Variants in UCP1 observed in about 807,000 individuals in gnomAD.
The protein encoded by UCP1 is uncoupling protein 1.
In UCP1, 24 loss-of-function variants were observed where a neutral mutation model predicts 26.2. That is an observed-to-expected ratio of 0.92 (90% CI 0.66 to 1.29). The LOEUF is 1.29. UCP1 is among the 50% of genes most tolerant of loss of function. The probability of loss-of-function intolerance (pLI) is 0.00; values close to 1 mark genes in which losing one functional copy is unlikely to be tolerated. For synonymous variants in UCP1, 164 were observed against 156.8 expected (o/e 1.05, Z -0.34); for missense variants, 402 against 388.7 (o/e 1.03, Z -0.29).
At chr4:140,560,932 A>G (rs947207785) in intron 5 of UCP1, among the ~76,000 whole-genome samples, 2 of 152,060 alleles carry the variant, frequency 1.3e-5, no homozygotes, top group African/African-American at 4.8e-5. Context: ...TTCTGTCTCT[A>G]TGAATTTGAC....
At chr4:140,565,560 C>G (rs982718729) in intron 2 of UCP1, among the ~76,000 whole-genome samples, 1 of 152,080 alleles carries the variant, frequency 6.6e-6, no homozygotes, top group Non-Finnish European at 1.5e-5. Context: ...TCCTTAGCAC[C>G]GCCTGCAAGG....
chr4:140,561,265 A>G (rs1265345056), intron 5 of UCP1, among the ~76,000 whole-genome samples: 1 of 152,206 alleles, frequency 6.6e-6, no homozygotes, highest in African/African-American at 2.4e-5. Context: ...TTACAATTTA[A>G]AAAGGTAATA....
chr4:140,568,954 G>C lies in UCP1; in HGVS notation c.-225C>G. 1.6e-6 allele frequency: 1 copy of C among 643,678 alleles called. No individual in the cohort carries two copies. The highest frequency in any genetic ancestry group is 2.6e-6 in the Non-Finnish European group (1 of 378,732). The allele number at this position is 643,678 out of a possible 1,614,324, so 39.9% of individuals were successfully genotyped here. ...CTCCTACCCACCCTCGCGCCAGCAGGACCCTCTGCGTTCCGGTCTTCCGCT... is the reference window on the plus strand; with the variant it reads ...CTCCTACCCACCCTCGCGCCAGCAGCACCCTCTGCGTTCCGGTCTTCCGCT... On this transcript the variant is annotated 5_prime_UTR_variant, in exon 1 of 6. Transcript: ENST00000262999.
At chr4:140,561,894 C>T (rs1735685098) in intron 5 of UCP1, among the ~76,000 whole-genome samples, 1 of 152,130 alleles carries the variant, frequency 6.6e-6, no homozygotes, top group South Asian at 2.1e-4. Context: ...TACTTTATAA[C>T]TTTCTTGCCC....
intron 5 of UCP1, among the ~76,000 whole-genome samples, chr4:140,561,006 C>T (rs1411683561): frequency 4.6e-5 from 7 of 152,084 alleles, no homozygotes; most frequent in Admixed American, 2.0e-4. Flanking sequence ...TGGCTTATTT[C>T]ACTTAGCATA....
chr4:140,567,084 G>A lies in UCP1; in HGVS notation c.325+695C>T, dbSNP rs560294200. On this transcript the variant is annotated intron_variant, in intron 2 of 5. Transcript: ENST00000262999. ...ATCTGAAGCACTTAGAACAATGTCT[G>A]GTTCATAGTTAAGCCCTCAAATAAA... 1.9e-4 allele frequency among the ~76,000 whole-genome samples: 29 copies of A among 152,266 alleles called. No individual in the cohort carries two copies. The South Asian group carries it at 6.0e-3, about 32-fold the overall frequency.
intron 5 of UCP1, among the ~76,000 whole-genome samples, chr4:140,560,853 A>C (rs1735663078): frequency 6.6e-6 from 1 of 152,120 alleles, no homozygotes; most frequent in Non-Finnish European, 1.5e-5. Context: ...TCACCCCAAA[A>C]AGAAACTCTC....
intron 1 of UCP1, 105 bp downstream of exon 1, chr4:140,568,499 C>G (rs904355248): frequency 5.1e-6 from 8 of 1,559,470 alleles, no homozygotes; most frequent in Middle Eastern, 1.7e-4. Flanking sequence ...GGTCACCTAC[C>G]CTACCTAGAA....
chr4:140,566,397 C>G (rs980330059), intron 2 of UCP1, among the ~76,000 whole-genome samples: 1 of 152,176 alleles, frequency 6.6e-6, no homozygotes, highest in Non-Finnish European at 1.5e-5. Context: ...AACATATATC[C>G]TATTAATTTG....
rs1179128410 is a variant in UCP1 at position 140,559,845 on chromosome 4, T to G, written c.*51A>C. ...GAATAAGTTTTGTTTGTTTTTATGA[T>G]CCAGTCAGCAAGATTCCCACTGGTA... On this transcript the variant is annotated 3_prime_UTR_variant, in exon 6 of 6. Transcript: ENST00000262999. 2 of 1,431,858 alleles carry G rather than the reference T, an allele frequency of 1.4e-6. No individual in the cohort carries two copies. Among genetic ancestry groups the G allele is most frequent in the Non-Finnish European group, 2.0e-6 (2 of 1,015,382 alleles). 88.7% of individuals were successfully genotyped at this position (1,431,858 alleles called of 1,614,324 possible).
rs2110919886 is a variant in UCP1, at chr4:140,568,876, G to A, written c.-147C>T. 1 of 1,302,410 alleles carries A rather than the reference G, an allele frequency of 7.7e-7. No individual in the cohort carries two copies. The highest frequency in any genetic ancestry group is 1.0e-6 in the Non-Finnish European group (1 of 953,906). The allele number at this position is 1,302,410 out of a possible 1,614,324, so 80.7% of individuals were successfully genotyped here. On this transcript the variant is annotated 5_prime_UTR_variant, in exon 1 of 6. Coordinates refer to ENST00000262999, the MANE Select transcript of UCP1 (RefSeq NM_021833.5). ...CCGACCGCCGGGCAGCGGCGGTGCA[G>A]AGGCGGCGGCTGCAGACGGAGCGCG...
chr4:140,560,104 A>G (rs940749742), intron 5 of UCP1, 94 bp from the exon 6 acceptor site: 6 of 1,044,230 alleles, frequency 5.7e-6, no homozygotes, highest in African/African-American at 4.8e-5. Context: ...CCAGGCTGGA[A>G]TGCAGTAGTG....
intron 5 of UCP1, among the ~76,000 whole-genome samples, chr4:140,561,449 C>T (rs1735675112): frequency 3.3e-5 from 5 of 152,060 alleles, no homozygotes; most frequent in Admixed American, 2.6e-4. Flanking sequence ...AACTCCTGGG[C>T]TCAGGAGATC....
chr4:140,565,654 C>T (rs781029590), intron 2 of UCP1, among the ~76,000 whole-genome samples: 1 of 152,108 alleles, frequency 6.6e-6, no homozygotes, highest in Non-Finnish European at 1.5e-5. Context: ...TATGTTCACT[C>T]GACTCCTCAC....
At chr4:140,568,583 C>T (rs1396360327) in intron 1 of UCP1, 21 bp downstream of exon 1, 2 of 1,613,712 alleles carry the variant, frequency 1.2e-6, no homozygotes, top group South Asian at 2.2e-5. Flanking sequence ...GACCCCTTGT[C>T]TTACCCCTCT....
At chr4:140,567,565 G>A (rs1410199614) in intron 2 of UCP1, among the ~76,000 whole-genome samples, 1 of 152,200 alleles carries the variant, frequency 6.6e-6, no homozygotes, top group East Asian at 1.9e-4. Context: ...TTCCATGACT[G>A]GGTGACCTTT....
chr4:140,566,918 C>T (rs546609310), intron 2 of UCP1, among the ~76,000 whole-genome samples: 7 of 152,304 alleles, frequency 4.6e-5, no homozygotes, highest in African/African-American at 1.2e-4. Flanking sequence ...GCCTGGAGTC[C>T]GAGGCCAGAC....
intron 5 of UCP1, among the ~76,000 whole-genome samples, chr4:140,561,121 T>A (rs1735668823): frequency 6.6e-6 from 1 of 152,218 alleles, no homozygotes; most frequent in African/African-American, 2.4e-5. Flanking sequence ...AACTGGTATA[T>A]CCATTTTAAG....
chr4:140,568,897 G>A lies in UCP1; in HGVS notation c.-168C>T. 1 of 1,069,884 alleles carries A rather than the reference G, an allele frequency of 9.3e-7. No individual in the cohort carries two copies. Among genetic ancestry groups the A allele is most frequent in the Non-Finnish European group, 1.3e-6 (1 of 751,452 alleles). The allele number at this position is 1,069,884 out of a possible 1,614,324, so 66.3% of individuals were successfully genotyped here. ...TGCAGAGGCGGCGGCTGCAGACGGA[G>A]CGCGGTGTTGGGGGCCGAGTCCCCG... On this transcript the variant is annotated 5_prime_UTR_variant, in exon 1 of 6. Transcript: ENST00000262999.
Sources: gnomAD v4.1 joint callset for allele counts (sites outside exome capture counted in the v4.1 genomes callset) on GRCh38, gnomAD v4.1.1 for gene constraint, MANE v1.5 for transcripts, NCBI Gene and HGNC (gene_info 2026-07-23, HGNC 2026-07-21) for gene names.